Variants in PPFIA4 observed in about 807,000 individuals in gnomAD.
The protein encoded by PPFIA4 is liprin-alpha-4.
PPFIA4 carries 98 observed loss-of-function variants against 145.7 expected under a neutral mutation model. The observed-to-expected ratio is 0.67, with a 90% CI of 0.57 to 0.80. PPFIA4 has a LOEUF of 0.80. Among genes scored for constraint, PPFIA4 ranks in the 30% least tolerant of loss-of-function variants. PPFIA4 has a pLI of 0.00. For synonymous variants in PPFIA4, 628 were observed against 649.6 expected (o/e 0.97, Z 0.51); for missense variants, 1,457 against 1,632.7 (o/e 0.89, Z 1.85).
Position 203,051,826 on chromosome 1 carries a change from A to G in PPFIA4, c.1569A>G (p.Ala523=). 1 of 1,613,498 alleles carries G rather than the reference A, an allele frequency of 6.2e-7. No individual in the cohort carries two copies. The highest frequency in any genetic ancestry group is 8.5e-7 in the Non-Finnish European group (1 of 1,179,786). Residue 523 remains alanine (A), a synonymous_variant, in exon 14 of 30, where the codon GCA becomes GCG. Coordinates refer to ENST00000295706, the MANE Select transcript of PPFIA4 (RefSeq NM_001304331.2). ...TCTCCCTGGGCACAACCACACACGC[A>G]CCCCCAGGCGTGCATCGCCGCTACT... ...VRFSLGTTTH[A]PPGVHRRYSA...
In PPFIA4 at chr1:203,055,968, CTTT is replaced by C. The variant is rs199570318; in HGVS notation, c.2071-140_2071-138del. Among the ~76,000 whole-genome samples, 19,368 of 145,952 alleles carry C rather than the reference CTTT, an allele frequency of 0.13. 1,516 individuals are homozygous for C. Among genetic ancestry groups the C allele is most frequent in the South Asian group, 0.18 (840 of 4,616 alleles). ...GCCCTGGCTTGTTTTTCTAGGCCAG[CTTT>C]TTTTTTTTTTTCTGGCGTGATATTC... is the stretch of plus-strand genomic sequence containing the variant. On this transcript the variant is annotated intron_variant, in intron 16 of 29. Transcript: ENST00000295706. This position sits in a 1 kb window ranked among gnomAD's most constrained non-coding sequence, Gnocchi z 4.8.
intron 25 of PPFIA4, among the ~76,000 whole-genome samples, chr1:203,064,412 G>A (rs1374206002): frequency 6.6e-6 from 1 of 152,194 alleles, no homozygotes; most frequent in Non-Finnish European, 1.5e-5. Flanking sequence ...AGTTGAGAGG[G>A]AAGGTCTTCC....
intron 24 of PPFIA4, 143 bp from the exon 25 acceptor site, chr1:203,063,685 A>G: frequency 1.3e-6 from 1 of 748,802 alleles, no homozygotes; most frequent in Admixed American, 2.8e-5. Flanking sequence ...CTTATTGAAG[A>G]TAAACTGAAA....
chr1:203,075,963 C>T lies in PPFIA4; in HGVS notation c.3574+206C>T. ...TGTTCTCCCGCGGCTGCCGACTTCT[C>T]CCAGCTGGGACGGCGGGGTCGCAGA... On this transcript the variant is annotated intron_variant, in intron 29 of 29. Transcript: ENST00000295706. This position sits in a 1 kb window ranked among gnomAD's most constrained non-coding sequence, Gnocchi z 4.1. 1.7e-6 allele frequency: 1 copy of T among 578,204 alleles called. No individual in the cohort carries two copies. Among genetic ancestry groups the T allele is most frequent in the South Asian group, 3.5e-5 (1 of 28,822 alleles). 35.8% of individuals were successfully genotyped at this position (578,204 alleles called of 1,614,324 possible). A position where few individuals can be genotyped will look rare whatever the true frequency, so the allele number is the denominator to read the frequency against.
intron 5 of PPFIA4, 103 bp from the exon 6 acceptor site, chr1:203,044,593 C>T (rs561451291): frequency 1.4e-6 from 2 of 1,399,254 alleles, no homozygotes; most frequent in South Asian, 2.8e-5. Context: ...GCACCTCTTT[C>T]TAGGAGACAT....
chr1:203,036,843 C>T (rs570100233), intron 1 of PPFIA4, among the ~76,000 whole-genome samples: 1 of 152,364 alleles, frequency 6.6e-6, no homozygotes, highest in East Asian at 1.9e-4. Flanking sequence ...GCAGACCAAG[C>T]TTCTACTTTT....
At chr1:203,054,003 CA>C (rs1558085267) in intron 15 of PPFIA4, 42 bp downstream of exon 15, 1 of 1,540,988 alleles carries the variant, frequency 6.5e-7, no homozygotes, top group East Asian at 2.4e-5. Context: ...CATTGAAGGG[CA>C]GGGGGGCCCT....
chr1:203,047,200 G>A (rs1406296670), intron 9 of PPFIA4, among the ~76,000 whole-genome samples: 1 of 152,224 alleles, frequency 6.6e-6, no homozygotes, highest in Non-Finnish European at 1.5e-5. Context: ...CCTGCAGCCT[G>A]GCTGTGTCCC....
chr1:203,068,327 T>A lies in PPFIA4; in HGVS notation c.3149-126T>A. On this transcript the variant is annotated intron_variant, in intron 26 of 29. Transcript: ENST00000295706. The surrounding 1 kb of genome is among the most constrained non-coding windows in gnomAD (Gnocchi z 4.7). ...GAAAGAAGATATGGAAATTTAGGGA[T>A]GGAGTGGGGGTCAGAGAGCAGGGTG... is the stretch of plus-strand genomic sequence containing the variant. 1.3e-6 allele frequency: 1 copy of A among 796,174 alleles called. No homozygotes were observed. The highest frequency in any genetic ancestry group is 3.2e-5 in the East Asian group (1 of 30,912). 49.3% of individuals were successfully genotyped at this position (796,174 alleles called of 1,614,324 possible). A position where few individuals can be genotyped will look rare whatever the true frequency, so the allele number is the denominator to read the frequency against.
chr1:203,057,440 G>A (rs1255639134), intron 19 of PPFIA4, among the ~76,000 whole-genome samples: 4 of 152,218 alleles, frequency 2.6e-5, no homozygotes, highest in South Asian at 2.1e-4. Context: ...TTAGGCAAGC[G>A]TGGCATCGTT....
intron 23 of PPFIA4, 83 bp from the exon 24 acceptor site, chr1:203,061,569 C>G: frequency 2.2e-6 from 3 of 1,394,634 alleles, no homozygotes; most frequent in Non-Finnish European, 2.9e-6. Flanking sequence ...TCTTTTTCCT[C>G]TCCTTGATGG....
chr1:203,045,668 T>C, intron 7 of PPFIA4, 109 bp downstream of exon 7: 1 of 1,451,204 alleles, frequency 6.9e-7, no homozygotes, highest in Non-Finnish European at 9.2e-7. Context: ...CTTGCCTGGC[T>C]CCATTGTTGG....
At chr1:203,028,533 G>A (rs1658584958) in intron 1 of PPFIA4, among the ~76,000 whole-genome samples, 1 of 152,134 alleles carries the variant, frequency 6.6e-6, no homozygotes, top group South Asian at 2.1e-4. Flanking sequence ...GCAGCTAGCC[G>A]AGGCCTTCGA....
intron 1 of PPFIA4, among the ~76,000 whole-genome samples, chr1:203,037,792 G>A (rs1350549032): frequency 6.6e-6 from 1 of 152,184 alleles, no homozygotes; most frequent in Admixed American, 6.5e-5. Flanking sequence ...GGGCCACACT[G>A]TAGCCCCACC....
intron 25 of PPFIA4, 61 bp from the exon 26 acceptor site, chr1:203,067,634 G>C: frequency 1.4e-6 from 2 of 1,433,046 alleles, no homozygotes; most frequent in East Asian, 4.6e-5. Context: ...CTGGATGTGA[G>C]ACAGGTGGTG....
At position 203,056,390 on chromosome 1, in the gene PPFIA4, G is replaced by A; in HGVS notation, c.2122G>A (p.Glu708Lys). 6.2e-7 allele frequency: 1 copy of A among 1,613,966 alleles called. No individual in the cohort carries two copies. The highest frequency in any genetic ancestry group is 1.7e-5 in the Admixed American group (1 of 60,012). The change falls in exon 18 of 30, where the codon GAA (glutamate) becomes AAA (lysine). Residue 708 changes from glutamate (E) to lysine (K), a missense_variant. Coordinates refer to ENST00000295706, the MANE Select transcript of PPFIA4 (RefSeq NM_001304331.2). ...GTCTGTTCAGTCGCCAGTGTCTCGG[G>A]AAGAGAACCGAGAGGATAAAGCCAC... ...RRKLLSPVSR[E>K]ENREDKATIK...
chr1:203,028,640 GGTGT>G (rs147806649), intron 1 of PPFIA4, among the ~76,000 whole-genome samples: 3 of 151,504 alleles, frequency 2.0e-5, no homozygotes, highest in African/African-American at 7.3e-5. Context: ...AGTGGTATGG[GGTGT>G]GTGTGTGTGT....
At chr1:203,034,489 T>A (rs1659074315) in intron 1 of PPFIA4, 1 of 456,370 alleles carries the variant, frequency 2.2e-6, no homozygotes, top group Non-Finnish European at 4.4e-6. Context: ...GGAGAATGTC[T>A]GAGAGCCCCA....
Position 203,044,917 on chromosome 1 carries a change from C to A in PPFIA4, c.666+132C>A, listed in dbSNP as rs369011451. On this transcript the variant is annotated intron_variant, in intron 6 of 29. Transcript: ENST00000295706. The stretch of plus-strand genomic sequence containing the variant: ...GAGGCTTTCTCTGATATTCCCCCTT[C>A]TCTTTTCTTCTTCTCCCTACCCCAT... The A allele has an allele frequency of 4.6e-5, 36 of 776,882 alleles. 2 individuals carry two copies. The highest frequency in any genetic ancestry group is 2.1e-4 in the East Asian group (8 of 37,484). The allele number at this position is 776,882 out of a possible 1,614,324, so 48.1% of individuals were successfully genotyped here.
Sources: gnomAD v4.1 joint callset for allele counts (sites outside exome capture counted in the v4.1 genomes callset) on GRCh38, gnomAD v4.1.1 for gene constraint, Gnocchi (gnomAD v3.1) non-coding constraint, MANE v1.5 for transcripts, NCBI Gene and HGNC (gene_info 2026-07-23, HGNC 2026-07-21) for gene names.